Variants in TMEM154 observed in about 807,000 individuals in gnomAD.
TMEM154 encodes transmembrane protein 154.
TMEM154 carries 27 observed loss-of-function variants against 24.5 expected under a neutral mutation model. The ratio of observed to expected loss-of-function variants is 1.10; its 90% CI spans 0.81 to 1.52. The LOEUF is 1.52. TMEM154 is among the 40% of genes most tolerant of loss of function. The pLI, the probability that TMEM154 is intolerant of heterozygous loss-of-function variation, is 0.00. For synonymous variants in TMEM154, 67 were observed against 76.8 expected (o/e 0.87, Z 0.67); for missense variants, 228 against 213.4 (o/e 1.07, Z -0.43).
In TMEM154 at chr4:152,624,985, G is replaced by A. The variant is rs1164850880; in HGVS notation, c.*3561C>T. 6.6e-6 allele frequency: 1 copy of A among 152,202 alleles called. No homozygotes were observed. The highest frequency in any genetic ancestry group is 1.5e-5 in the Non-Finnish European group (1 of 68,044). 9.4% of individuals were successfully genotyped at this position (152,202 alleles called of 1,614,324 possible). A position where few individuals can be genotyped will look rare whatever the true frequency, so the allele number is the denominator to read the frequency against. Reference sequence around the variant, plus strand: ...CTCCCACAAGGAGGATTTCAGCAGTGTCTTCCCAGCATGAAACCATGTCTT... The same window carrying A: ...CTCCCACAAGGAGGATTTCAGCAGTATCTTCCCAGCATGAAACCATGTCTT... On this transcript the variant is annotated 3_prime_UTR_variant, in exon 7 of 7. Transcript: ENST00000304385.
At chr4:152,653,767 G>A (rs1421595279) in intron 1 of TMEM154, among the ~76,000 whole-genome samples, 1 of 151,988 alleles carries the variant, frequency 6.6e-6, no homozygotes, top group Non-Finnish European at 1.5e-5. Context: ...TGCCGGGCAT[G>A]GTGGTTCACG....
chr4:152,645,123 AT>A (rs5863015), intron 3 of TMEM154, among the ~76,000 whole-genome samples: 148,502 of 151,068 alleles, frequency 0.98, 73,043 homozygotes, highest in East Asian at 1. Context: ...CGTCTGTTTG[AT>A]TTTTTTTTTT....
At chr4:152,652,108 A>G (rs1728395453) in intron 3 of TMEM154, among the ~76,000 whole-genome samples, 1 of 152,072 alleles carries the variant, frequency 6.6e-6, no homozygotes, top group Admixed American at 6.6e-5. Flanking sequence ...ATCAAAGATA[A>G]CTGATCACAG....
chr4:152,671,746 C>A (rs867707495), intron 1 of TMEM154, among the ~76,000 whole-genome samples: 92 of 66,740 alleles, frequency 1.4e-3, no homozygotes, highest in South Asian at 3.7e-3. Context: ...GACTCCGTCT[C>A]AAAAAAAAAA....
chr4:152,626,141 A>T lies in TMEM154; in HGVS notation c.*2405T>A, dbSNP rs972510170. On this transcript the variant is annotated 3_prime_UTR_variant, in exon 7 of 7. Transcript: ENST00000304385. Reference sequence around the variant, plus strand: ...GGTATTTTTACATATTTATTAAAACAAGTTTCCTGAGAAGTTTGACTAGGC... The same window carrying T: ...GGTATTTTTACATATTTATTAAAACTAGTTTCCTGAGAAGTTTGACTAGGC... 1 of 152,636 alleles carries T rather than the reference A, an allele frequency of 6.6e-6. No homozygotes were observed. Among genetic ancestry groups the T allele is most frequent in the African/African-American group, 2.4e-5 (1 of 41,450 alleles). 9.5% of individuals were successfully genotyped at this position (152,636 alleles called of 1,614,324 possible).
At position 152,626,124 on chromosome 4, in the gene TMEM154, T is replaced by A. The variant is rs557253203; in HGVS notation, c.*2422A>T. The A allele has an allele frequency of 2.2e-4, 33 of 152,738 alleles. No individual in the cohort carries two copies. The highest frequency in any genetic ancestry group is 7.7e-4 in the African/African-American group (32 of 41,574). The allele number at this position is 152,738 out of a possible 1,614,324, so 9.5% of individuals were successfully genotyped here. On this transcript the variant is annotated 3_prime_UTR_variant, in exon 7 of 7. Transcript: ENST00000304385. The stretch of plus-strand genomic sequence containing the variant: ...GTCAAGAGTCATGAATGGGTATTTT[T>A]ACATATTTATTAAAACAAGTTTCCT...
intron 1 of TMEM154, among the ~76,000 whole-genome samples, chr4:152,674,112 G>C (rs1728905547): frequency 6.6e-6 from 1 of 151,918 alleles, no homozygotes; most frequent in South Asian, 2.1e-4. Context: ...GAAATCTCAA[G>C]AAAGCAAGAA....
intron 6 of TMEM154, among the ~76,000 whole-genome samples, chr4:152,632,623 C>T (rs1040786653): frequency 6.6e-6 from 1 of 152,166 alleles, no homozygotes; most frequent in African/African-American, 2.4e-5. Context: ...TTTTATGTCC[C>T]ACAATAAGAA....
intron 3 of TMEM154, among the ~76,000 whole-genome samples, chr4:152,649,964 G>A (rs144655006): frequency 6.6e-6 from 1 of 152,204 alleles, no homozygotes. Flanking sequence ...CAGAGACAAT[G>A]TATATACCTT....
chr4:152,658,296 A>T (rs1437586228), intron 1 of TMEM154, among the ~76,000 whole-genome samples: 1 of 152,238 alleles, frequency 6.6e-6, no homozygotes, highest in Non-Finnish European at 1.5e-5. Context: ...AAGCAGTGCT[A>T]AGAGGGAAGT....
intron 1 of TMEM154, 151 bp downstream of exon 1, chr4:152,679,719 C>CA (rs1432862306): frequency 7.8e-6 from 9 of 1,156,934 alleles, no homozygotes; most frequent in South Asian, 1.3e-5. Context: ...TCCCACCCCC[C>CA]AAAAAAAGGA....
Position 152,628,293 on chromosome 4 carries a change from C to A in TMEM154, c.*253G>T. The A allele has an allele frequency of 1.6e-6, 1 of 612,454 alleles. No homozygotes were observed. The highest frequency in any genetic ancestry group is 2.8e-6 in the Non-Finnish European group (1 of 355,314). 37.9% of individuals were successfully genotyped at this position (612,454 alleles called of 1,614,324 possible). On this transcript the variant is annotated 3_prime_UTR_variant, in exon 7 of 7. Transcript: ENST00000304385. The stretch of plus-strand genomic sequence containing the variant: ...GATCAGAAGTGAGCACATCACCCGC[C>A]TCCTTCTCCACCCTCAGAGGCAGCG...
chr4:152,630,279 T>C (rs1476554486), intron 6 of TMEM154, among the ~76,000 whole-genome samples: 2 of 120,876 alleles, frequency 1.7e-5, no homozygotes, highest in African/African-American at 6.5e-5. Flanking sequence ...GCCACTGCAC[T>C]CCAGCCTGGG....
At position 152,658,369 on chromosome 4, in the gene TMEM154, C is replaced by G. The variant is rs955462292; in HGVS notation, c.65-5442G>C. ...ATTTTAAACAGACAATCTAGTGATG[C>G]ATCTCAAGGAACTAGAAAAGCAAGA... On this transcript the variant is annotated intron_variant, in intron 1 of 6. Transcript: ENST00000304385. Among the ~76,000 whole-genome samples the G allele has an allele frequency of 2.6e-5, 4 of 152,042 alleles. No individual in the cohort carries two copies. The East Asian group carries it at 7.7e-4, about 29-fold the overall frequency.
chr4:152,628,351 C>T lies in TMEM154; in HGVS notation c.*195G>A. 1.1e-6 allele frequency: 1 copy of T among 948,602 alleles called. No individual in the cohort carries two copies. Among genetic ancestry groups the T allele is most frequent in the Non-Finnish European group, 1.6e-6 (1 of 614,578 alleles). 58.8% of individuals were successfully genotyped at this position (948,602 alleles called of 1,614,324 possible). A position where few individuals can be genotyped will look rare whatever the true frequency, so the allele number is the denominator to read the frequency against. On this transcript the variant is annotated 3_prime_UTR_variant, in exon 7 of 7. Coordinates refer to ENST00000304385, the MANE Select transcript of TMEM154 (RefSeq NM_152680.3). ...GCAGCCAGGCCTTTTCCTAGTACTT[C>T]TCAATTGCACATTCTTCCAAGTGCA...
intron 1 of TMEM154, among the ~76,000 whole-genome samples, chr4:152,676,484 C>T (rs1728954974): frequency 1.3e-5 from 2 of 152,158 alleles, no homozygotes; most frequent in South Asian, 4.1e-4. Flanking sequence ...GTCACTTAGC[C>T]TCTCTGTGCC....
At chr4:152,653,996 G>A (rs887042493) in intron 1 of TMEM154, among the ~76,000 whole-genome samples, 2 of 151,128 alleles carry the variant, frequency 1.3e-5, no homozygotes, top group South Asian at 2.1e-4. Flanking sequence ...CCAAGATCGC[G>A]CCATTGCACT....
intron 6 of TMEM154, among the ~76,000 whole-genome samples, chr4:152,630,040 G>A (rs1421223238): frequency 2.6e-5 from 4 of 152,106 alleles, no homozygotes; most frequent in Non-Finnish European, 4.4e-5. Flanking sequence ...TAGGGTGGGC[G>A]TGGTGGCTCA....
At chr4:152,649,199 G>A (rs1728326124) in intron 3 of TMEM154, among the ~76,000 whole-genome samples, 1 of 152,104 alleles carries the variant, frequency 6.6e-6, no homozygotes, top group Non-Finnish European at 1.5e-5. Context: ...GGGACATAAA[G>A]TGAGTTTTGT....
Sources: gnomAD v4.1 joint callset for allele counts (sites outside exome capture counted in the v4.1 genomes callset) on GRCh38, gnomAD v4.1.1 for gene constraint, MANE v1.5 for transcripts, NCBI Gene and HGNC (gene_info 2026-07-23, HGNC 2026-07-21) for gene names.